ITGA1: variants seen among roughly 807,000 people sequenced by gnomAD.
The protein encoded by ITGA1 is integrin alpha-1.
A neutral mutation model predicts 145.9 loss-of-function variants in ITGA1; 85 were observed. The observed-to-expected ratio is 0.58, with a 90% CI of 0.49 to 0.70. The LOEUF is 0.70. Among genes scored for constraint, ITGA1 ranks in the 30% least tolerant of loss-of-function variants. The pLI is 0.00. For synonymous variants in ITGA1, 520 were observed against 495.3 expected (o/e 1.05, Z -0.66); for missense variants, 1,351 against 1,418.7 (o/e 0.95, Z 0.77).
chr5:52,907,476 T>A (rs956998489), intron 12 of ITGA1, among the ~76,000 whole-genome samples: 2 of 152,200 alleles, frequency 1.3e-5, no homozygotes, highest in African/African-American at 4.8e-5. Flanking sequence ...AAAATTTGCA[T>A]ATGAAAGTTG....
intron 11 of ITGA1, among the ~76,000 whole-genome samples, chr5:52,900,605 A>AGCT (rs1343474296): frequency 6.6e-6 from 1 of 152,238 alleles, no homozygotes; most frequent in Admixed American, 6.5e-5. Context: ...AAAATTATAA[A>AGCT]GCTGCTGATT....
At chr5:52,801,778 C>T in intron 1 of ITGA1, 1 of 1,613,986 alleles carries the variant, frequency 6.2e-7, no homozygotes, top group Admixed American at 1.7e-5. Context: ...AGCTGCCATT[C>T]TCCGCTTCCC....
Position 52,801,376 on chromosome 5 carries a change from T to G in ITGA1, c.61+12962T>G, listed in dbSNP as rs983095941. On this transcript the variant is annotated intron_variant, in intron 1 of 28. Coordinates refer to ENST00000282588, the MANE Select transcript of ITGA1 (RefSeq NM_181501.2). ...CTGATTAATGGGTGTTCTAGGAGATTATTTTGCCTAACTTTTGTAATTGTG... is the reference window on the plus strand; with the variant it reads ...CTGATTAATGGGTGTTCTAGGAGATGATTTTGCCTAACTTTTGTAATTGTG... The G allele has an allele frequency of 1.3e-5, 20 of 1,555,720 alleles. No homozygotes were observed. The Admixed American group carries it at 2.2e-4, about 17-fold the overall frequency.
At chr5:52,889,935 CT>C in intron 8 of ITGA1, 1 of 151,180 alleles carries the variant, frequency 6.6e-6, no homozygotes, top group African/African-American at 2.4e-5. Context: ...GGCTCAGTGT[CT>C]TTCCTTTATT....
chr5:52,905,814 C>G lies in ITGA1; in HGVS notation c.1361C>G (p.Ala454Gly), dbSNP rs1341708646. 1 of 1,613,672 alleles carries G rather than the reference C, an allele frequency of 6.2e-7. No homozygotes were observed. ...TASSGDVLYI[A>G]GQPRYNHTGQ... ...TCTTCTGGAGATGTGCTCTATATTG[C>G]TGGACAGCCTCGGTACAATCATACA... Residue 454 changes from alanine to glycine, a missense_variant, in exon 12 of 29, where the codon GCT (alanine) becomes GGT (glycine). Coordinates refer to ENST00000282588, the MANE Select transcript of ITGA1 (RefSeq NM_181501.2).
chr5:52,852,456 C>A (rs1466198688), intron 2 of ITGA1, among the ~76,000 whole-genome samples: 2 of 151,890 alleles, frequency 1.3e-5, no homozygotes, highest in Non-Finnish European at 2.9e-5. Context: ...GTATTCAAGA[C>A]AAATCAAGAT....
intron 1 of ITGA1, among the ~76,000 whole-genome samples, chr5:52,807,558 A>G (rs554154590): frequency 6.6e-6 from 1 of 152,290 alleles, no homozygotes; most frequent in African/African-American, 2.4e-5. Flanking sequence ...GCAAACATGT[A>G]TCTAAAAATA....
At chr5:52,866,061 C>T (rs372344858) in intron 6 of ITGA1, among the ~76,000 whole-genome samples, 2 of 151,772 alleles carry the variant, frequency 1.3e-5, no homozygotes, top group South Asian at 2.1e-4. Context: ...GTTGCCCAGG[C>T]TGGAGTGCAG....
intron 1 of ITGA1, chr5:52,801,233 G>A (rs1748474532): frequency 1.6e-6 from 2 of 1,218,666 alleles, no homozygotes; most frequent in Non-Finnish European, 1.2e-6. Flanking sequence ...ACTTAGCTGG[G>A]ATTTTCATGA....
chr5:52,895,714 T>G (rs192891052), intron 9 of ITGA1, among the ~76,000 whole-genome samples: 1 of 152,204 alleles, frequency 6.6e-6, no homozygotes, highest in Admixed American at 6.5e-5. Context: ...GGATTAAAGG[T>G]GACAGGTTGA....
chr5:52,918,338 A>ATCTC (rs1750679411), intron 15 of ITGA1, among the ~76,000 whole-genome samples: 1 of 152,196 alleles, frequency 6.6e-6, no homozygotes, highest in South Asian at 2.1e-4. Context: ...GACAGACAAT[A>ATCTC]TTACAGTCCA....
At chr5:52,877,847 A>C in intron 6 of ITGA1, among the ~76,000 whole-genome samples, 1 of 152,188 alleles carries the variant, frequency 6.6e-6, no homozygotes, top group Non-Finnish European at 1.5e-5. Flanking sequence ...CCTGTCCTGC[A>C]TGAGTAGGAA....
chr5:52,882,011 GAC>G lies in ITGA1; in HGVS notation c.767_768del (p.Thr256SerfsTer17). ...GRQTMTALGI[D>X]TARKEAFTEA... is the part of the protein sequence containing the mutation. ...CCAGACTATGACAGCTCTTGGAATA[GAC>G]ACAGCAAGGTATATGGATAAAAAAA... On this transcript the variant is annotated frameshift_variant, in exon 7 of 29. Transcript: ENST00000282588. LOFTEE classifies it high-confidence loss of function. The G allele has an allele frequency of 6.2e-7, 1 of 1,610,346 alleles. No individual in the cohort carries two copies. The highest frequency in any genetic ancestry group is 1.1e-5 in the South Asian group (1 of 90,536).
At chr5:52,800,641 G>A in intron 1 of ITGA1, 1 of 1,614,148 alleles carries the variant, frequency 6.2e-7, no homozygotes, top group Non-Finnish European at 8.5e-7. Context: ...CCAGCTGCGG[G>A]TTAAGGGGAC....
chr5:52,917,262 A>G (rs1750661759), intron 15 of ITGA1, among the ~76,000 whole-genome samples: 1 of 152,226 alleles, frequency 6.6e-6, no homozygotes. Flanking sequence ...AGGCATGTTC[A>G]TTCATTGCTG....
At chr5:52,902,101 CTG>C (rs1172860928) in intron 11 of ITGA1, 1 of 151,876 alleles carries the variant, frequency 6.6e-6, no homozygotes, top group Non-Finnish European at 1.5e-5. Context: ...TTTTCATAAA[CTG>C]TGTGGATTGC....
At position 52,910,960 on chromosome 5, in the gene ITGA1, ACTATATATACTATATATAGTAT is replaced by A. The variant is rs1561245772; in HGVS notation, c.1857+542_1857+563del. On this transcript the variant is annotated intron_variant, in intron 14 of 28. Coordinates refer to ENST00000282588, the MANE Select transcript of ITGA1 (RefSeq NM_181501.2). The stretch of plus-strand genomic sequence containing the variant: ...TATGTATACTGTATATAGTATATAC[ACTATATATACTATATATAGTAT>A]GTATACTATATATAGTATGTATACT... 1.8e-3 allele frequency among the ~76,000 whole-genome samples: 240 copies of A among 133,762 alleles called. 6 individuals carry two copies. The East Asian group carries it at 0.04, about 22-fold the overall frequency. 87.8% of individuals were successfully genotyped at this position (133,762 alleles called of 152,430 possible). A position where few individuals can be genotyped will look rare whatever the true frequency, so the allele number is the denominator to read the frequency against.
chr5:52,874,850 A>T (rs1749840614), intron 6 of ITGA1, among the ~76,000 whole-genome samples: 2 of 152,232 alleles, frequency 1.3e-5, no homozygotes, highest in South Asian at 4.1e-4. Flanking sequence ...AGGTGAATTT[A>T]AAACACAGAA....
intron 1 of ITGA1, among the ~76,000 whole-genome samples, chr5:52,791,391 A>G (rs1343741981): frequency 6.6e-6 from 1 of 152,144 alleles, no homozygotes; most frequent in East Asian, 1.9e-4. Flanking sequence ...TAGTTATGGG[A>G]GGGTGGCCAT....
Sources: allele counts gnomAD v4.1 joint callset (sites outside exome capture counted in the v4.1 genomes callset), GRCh38; gene constraint gnomAD v4.1.1; transcripts MANE v1.5; gene names NCBI Gene and HGNC (gene_info 2026-07-23, HGNC 2026-07-21).